Variants in DOCK4 observed in about 807,000 individuals in gnomAD.
DOCK4 encodes the protein dedicator of cytokinesis protein 4.
Under a neutral mutation model 268.1 loss-of-function variants are expected in DOCK4, and 97 were observed. The observed-to-expected ratio is 0.36, with a 90% CI of 0.31 to 0.43. DOCK4 has a LOEUF of 0.43. DOCK4 is among the 20% of genes least tolerant of loss of function. The pLI, the probability that DOCK4 is intolerant of heterozygous loss-of-function variation, is 1.00. For synonymous variants in DOCK4, 954 were observed against 887.2 expected (o/e 1.08, Z -1.34); for missense variants, 2,145 against 2,455.7 (o/e 0.87, Z 2.67).
chr7:112,144,783 A>C (rs886809902), intron 1 of DOCK4, among the ~76,000 whole-genome samples: 3 of 152,156 alleles, frequency 2.0e-5, no homozygotes, highest in Non-Finnish European at 4.4e-5. Flanking sequence ...CCAAAATACC[A>C]CATCTCTAAA....
At chr7:111,858,810 C>T (rs1221606398) in intron 23 of DOCK4, among the ~76,000 whole-genome samples, 4 of 149,514 alleles carry the variant, frequency 2.7e-5, no homozygotes, top group Non-Finnish European at 4.4e-5. Context: ...CCTTCCCTCC[C>T]TTCCTTCCTT....
intron 42 of DOCK4, among the ~76,000 whole-genome samples, chr7:111,752,677 C>T (rs954654504): frequency 3.4e-5 from 5 of 148,336 alleles, no homozygotes; most frequent in African/African-American, 1.0e-4. Flanking sequence ...ACCTCTGCCT[C>T]CCCGGTTCAA....
chr7:112,171,587 G>A (rs1456295274), intron 1 of DOCK4, among the ~76,000 whole-genome samples: 2 of 152,072 alleles, frequency 1.3e-5, no homozygotes, highest in African/African-American at 4.8e-5. Context: ...CCAACCACAT[G>A]ATGTGGGAAC....
At chr7:111,735,353 C>T (rs891531790) in intron 50 of DOCK4, among the ~76,000 whole-genome samples, 186 bp from the exon 51 acceptor site, 2 of 152,200 alleles carry the variant, frequency 1.3e-5, no homozygotes, top group Non-Finnish European at 2.9e-5. Flanking sequence ...TACCATTTAA[C>T]TGGGCGCTAA....
intron 23 of DOCK4, among the ~76,000 whole-genome samples, chr7:111,854,903 A>AT: frequency 6.6e-6 from 1 of 152,288 alleles, no homozygotes; most frequent in East Asian, 1.9e-4. Context: ...CCAATTCTCT[A>AT]TTTCATTATA....
chr7:111,922,191 A>G (rs932594590), intron 12 of DOCK4, among the ~76,000 whole-genome samples: 5 of 152,200 alleles, frequency 3.3e-5, no homozygotes, highest in African/African-American at 7.2e-5. Context: ...TTAGCATGTA[A>G]TTTAGTCAGG....
chr7:112,003,050 CAAA>C (rs60702171), intron 2 of DOCK4, among the ~76,000 whole-genome samples: 5 of 75,036 alleles, frequency 6.7e-5, no homozygotes, highest in Non-Finnish European at 5.6e-5. Context: ...GACTCCATCT[CAAA>C]AAAAAAAAAA....
At chr7:112,113,734 A>ATTTTTTTTTTTTT (rs57672966) in intron 1 of DOCK4, among the ~76,000 whole-genome samples, 9 of 49,548 alleles carry the variant, frequency 1.8e-4, no homozygotes, top group Middle Eastern at 0.019. Flanking sequence ...TACTTGGCTG[A>ATTTTTTTTTTTTT]TTTTTTTTTT....
At position 111,877,201 on chromosome 7, in the gene DOCK4, T is replaced by C. The variant is rs759834295; in HGVS notation, c.1588-15A>G. 1 of 1,424,474 alleles carries C rather than the reference T, an allele frequency of 7.0e-7. No homozygotes were observed. The highest frequency in any genetic ancestry group is 9.3e-7 in the Non-Finnish European group (1 of 1,080,418). 88.2% of individuals were successfully genotyped at this position (1,424,474 alleles called of 1,614,324 possible). On this transcript the variant is annotated splice_polypyrimidine_tract_variant and intron_variant, in intron 16 of 52. Transcript: ENST00000428084. ...TTTTCTTCACACTGTTAAAAATATT[T>C]AAAAAAACATAAGGGAAGGGGAAGA... is the stretch of plus-strand genomic sequence containing the variant.
In DOCK4 at chr7:112,016,532, C is replaced by T. The variant is rs188281866; in HGVS notation, c.38-12401G>A. On this transcript the variant is annotated intron_variant, in intron 1 of 52. Transcript: ENST00000428084. ...GATACTTTCAGACTATGCAAATATA[C>T]TGTTTTTCATCATATCTCATAACAT... Among the ~76,000 whole-genome samples, 199 of 152,326 alleles carry T rather than the reference C, an allele frequency of 1.3e-3. 1 individual carries two copies. The highest frequency in any genetic ancestry group is 2.5e-3 in the Non-Finnish European group (167 of 68,026).
chr7:112,174,570 T>C (rs1818342166), intron 1 of DOCK4, among the ~76,000 whole-genome samples: 2 of 151,990 alleles, frequency 1.3e-5, no homozygotes, highest in Non-Finnish European at 2.9e-5. Context: ...CATCACCATA[T>C]ATGTATATGA....
chr7:112,180,419 A>G (rs1036219889), intron 1 of DOCK4, among the ~76,000 whole-genome samples: 9 of 152,230 alleles, frequency 5.9e-5, no homozygotes, highest in Non-Finnish European at 1.3e-4. Context: ...ACAACCTGCC[A>G]TCTGCCAGGC....
At chr7:111,919,476 A>C (rs768681255) in intron 12 of DOCK4, among the ~76,000 whole-genome samples, 1 of 152,188 alleles carries the variant, frequency 6.6e-6, no homozygotes, top group Non-Finnish European at 1.5e-5. Context: ...TAGTGTGGGG[A>C]AAAGGAAAAG....
intron 1 of DOCK4, among the ~76,000 whole-genome samples, chr7:112,135,449 T>C (rs1051219400): frequency 6.6e-6 from 1 of 152,152 alleles, no homozygotes; most frequent in Non-Finnish European, 1.5e-5. Context: ...AAAGACTACA[T>C]AAGACATGAT....
At chr7:111,791,276 T>TAC (rs147004808) in intron 30 of DOCK4, among the ~76,000 whole-genome samples, 3,787 of 134,800 alleles carry the variant, frequency 0.028, 53 homozygotes, top group Middle Eastern at 0.055. Flanking sequence ...ATTTAAAAAA[T>TAC]ACACACACAC....
At chr7:111,961,308 C>G (rs1311505305) in intron 8 of DOCK4, among the ~76,000 whole-genome samples, 1 of 152,182 alleles carries the variant, frequency 6.6e-6, no homozygotes, top group South Asian at 2.1e-4. Flanking sequence ...AAAGTAGATT[C>G]CTTCACTTGT....
At chr7:111,999,276 T>G (rs1484975299) in intron 3 of DOCK4, among the ~76,000 whole-genome samples, 1 of 152,134 alleles carries the variant, frequency 6.6e-6, no homozygotes, top group Non-Finnish European at 1.5e-5. Flanking sequence ...TTTGAATATA[T>G]ATATCACCAT....
At chr7:111,745,371 G>T (rs1223222774) in intron 44 of DOCK4, among the ~76,000 whole-genome samples, 2 of 152,108 alleles carry the variant, frequency 1.3e-5, no homozygotes, top group Non-Finnish European at 2.9e-5. Context: ...ACTTTTCTGA[G>T]CACAGAATTT....
At chr7:112,119,097 C>T (rs2115857287) in intron 1 of DOCK4, among the ~76,000 whole-genome samples, 1 of 152,142 alleles carries the variant, frequency 6.6e-6, no homozygotes, top group Admixed American at 6.5e-5. Flanking sequence ...AGACAATGGC[C>T]AAGTCATTAT....
Sources: gnomAD v4.1 joint callset for allele counts (sites outside exome capture counted in the v4.1 genomes callset) on GRCh38, gnomAD v4.1.1 for gene constraint, MANE v1.5 for transcripts, NCBI Gene and HGNC (gene_info 2026-07-23, HGNC 2026-07-21) for gene names.